The following NHS variants were observed in gnomAD, a reference collection of about 807,000 sequenced individuals.
NHS encodes the protein NHS actin remodeling regulator, also known as actin remodeling regulator NHS.
A neutral mutation model predicts 72.5 loss-of-function variants in NHS; 5 were observed. The observed-to-expected ratio is 0.07, with a 90% CI of 0.04 to 0.14. The LOEUF (loss-of-function observed/expected upper bound fraction) is 0.14, where lower values mean the gene tolerates loss of function less well. Ranked by LOEUF, NHS falls within the 10% of genes least tolerant of loss-of-function variation. The probability of loss-of-function intolerance (pLI) is 1.00; values close to 1 mark genes in which losing one functional copy is unlikely to be tolerated. For missense variants in NHS, 1,072 were observed against 1,355.7 expected (o/e 0.79, Z 3.29); for synonymous variants, 464 against 547.7 (o/e 0.85, Z 2.13).
intron 1 of NHS, chrX:17,635,452 C>A: frequency 2.6e-6 from 3 of 1,157,858 alleles, no homozygotes; most frequent in African/African-American, 1.8e-5. Flanking sequence ...CGCCCTCCAT[C>A]CCCCCCGCCG....
chrX:17,582,973 A>G (rs1257468665), intron 1 of NHS, among the ~76,000 whole-genome samples: 1 of 111,915 alleles, frequency 8.9e-6, no homozygotes, highest in Non-Finnish European at 1.9e-5. Context: ...CTTGGCTCCC[A>G]CTGGGACCAT....
intron 1 of NHS, among the ~76,000 whole-genome samples, chrX:17,409,768 A>G (rs1041965111): frequency 7.2e-5 from 8 of 111,844 alleles, no homozygotes; most frequent in African/African-American, 2.6e-4. Context: ...AGCAAGTCAC[A>G]TGGCCACATC....
At chrX:17,484,180 C>T (rs1457240879) in intron 1 of NHS, among the ~76,000 whole-genome samples, 1 of 112,392 alleles carries the variant, frequency 8.9e-6, no homozygotes, top group Non-Finnish European at 1.9e-5. Context: ...AGTTGTTTAA[C>T]ATTTACTCTT....
intron 1 of NHS, among the ~76,000 whole-genome samples, chrX:17,487,426 T>C (rs1034260249): frequency 8.9e-6 from 1 of 112,136 alleles, no homozygotes; most frequent in Non-Finnish European, 1.9e-5. Flanking sequence ...ATGTATTTTC[T>C]GGCTGGAGGA....
chrX:17,561,568 GCGCGCGCACACACACACACACACACA>G (rs2065414161), intron 1 of NHS, among the ~76,000 whole-genome samples: 1 of 65,599 alleles, frequency 1.5e-5, no homozygotes, highest in African/African-American at 7.2e-5. Flanking sequence ...GCGCGCGCGC[GCGCGCGCACACACACACACACACACA>G]CACACACACA....
rs548044835 is a variant in NHS, at chrX:17,521,620, C to T, written c.565+145298C>T. ...TCAAGTGATCCTTCCACCTCAGCCT[C>T]CCAAACTGCTGGGATTACTGGCGTG... On this transcript the variant is annotated intron_variant, in intron 1 of 8. Coordinates refer to ENST00000676302, the MANE Select transcript of NHS (RefSeq NM_001291867.2). Among the ~76,000 whole-genome samples, 19 of 111,480 alleles carry T rather than the reference C, an allele frequency of 1.7e-4. No homozygotes were observed. In the South Asian group the frequency reaches 6.4e-3, roughly 38 times the overall value.
At chrX:17,380,844 A>G (rs1286975230) in intron 1 of NHS, among the ~76,000 whole-genome samples, 1 of 111,845 alleles carries the variant, frequency 8.9e-6, no homozygotes, top group Non-Finnish European at 1.9e-5. Context: ...TGAGAAGCCG[A>G]GAGGGGATGA....
rs191806945 is a variant in NHS at position 17,534,983 on chromosome X, C to A, written c.566-152759C>A. Among the ~76,000 whole-genome samples, 71 of 112,157 alleles carry A rather than the reference C, an allele frequency of 6.3e-4. 1 individual carries two copies. In the East Asian group the frequency reaches 0.017, roughly 27 times the overall value. On this transcript the variant is annotated intron_variant, in intron 1 of 8. Coordinates refer to ENST00000676302, the MANE Select transcript of NHS (RefSeq NM_001291867.2). Reference sequence around the variant, plus strand: ...AAAGATGAGAGCTGGAGAATCAATACCCTAGCTTCCTCACTTCTCAGGTGG... The same window carrying A: ...AAAGATGAGAGCTGGAGAATCAATAACCTAGCTTCCTCACTTCTCAGGTGG...
chrX:17,486,457 C>T (rs761242126), intron 1 of NHS, among the ~76,000 whole-genome samples: 20 of 111,793 alleles, frequency 1.8e-4, no homozygotes, highest in South Asian at 3.8e-4. Flanking sequence ...AGCTAATGTA[C>T]GCTGGGCTTG....
chrX:17,475,518 C>T (rs1238535386), intron 1 of NHS, among the ~76,000 whole-genome samples: 2 of 111,789 alleles, frequency 1.8e-5, no homozygotes, highest in Admixed American at 9.5e-5. Flanking sequence ...TGTTCTGTTT[C>T]CCGTTTTCTA....
chrX:17,454,373 G>T, intron 1 of NHS, among the ~76,000 whole-genome samples: 1 of 112,012 alleles, frequency 8.9e-6, no homozygotes. Flanking sequence ...AGTGGTCCTA[G>T]TCACTGGCAA....
chrX:17,612,553 C>A (rs2065716575), intron 1 of NHS, among the ~76,000 whole-genome samples: 1 of 111,548 alleles, frequency 9.0e-6, no homozygotes, highest in Non-Finnish European at 1.9e-5. Flanking sequence ...ACATCCCATG[C>A]AAAGCACTTT....
intron 1 of NHS, among the ~76,000 whole-genome samples, chrX:17,391,417 C>T (rs1385965620): frequency 9.0e-6 from 1 of 111,283 alleles, no homozygotes; most frequent in African/African-American, 3.3e-5. Flanking sequence ...GTGATTAATC[C>T]ATGGACAGTG....
chrX:17,391,602 G>A (rs555096477), intron 1 of NHS, among the ~76,000 whole-genome samples: 7 of 111,989 alleles, frequency 6.3e-5, no homozygotes, highest in South Asian at 7.6e-4. Flanking sequence ...CAGTGTAAAC[G>A]TTTTGGTCAG....
intron 1 of NHS, among the ~76,000 whole-genome samples, chrX:17,460,354 G>GA (rs1176346877): frequency 1.8e-5 from 2 of 110,926 alleles, no homozygotes; most frequent in Non-Finnish European, 3.8e-5. Flanking sequence ...CTGCTGAGGA[G>GA]ACCCCAGGAA....
intron 1 of NHS, among the ~76,000 whole-genome samples, chrX:17,675,283 G>A (rs1020429799): frequency 2.0e-4 from 23 of 112,445 alleles, no homozygotes; most frequent in Middle Eastern, 4.6e-3. Context: ...ATTCAAATAA[G>A]TAATTATGCC....
At chrX:17,520,016 C>T (rs1422428717) in intron 1 of NHS, among the ~76,000 whole-genome samples, 1 of 92,358 alleles carries the variant, frequency 1.1e-5, no homozygotes, top group Non-Finnish European at 2.1e-5. Flanking sequence ...TCAAGACTTA[C>T]ATTTCTGTTT....
At chrX:17,633,789 C>T (rs1442077704) in intron 1 of NHS, among the ~76,000 whole-genome samples, 1 of 111,837 alleles carries the variant, frequency 8.9e-6, no homozygotes, top group Non-Finnish European at 1.9e-5. Context: ...TTATGACTTC[C>T]CAGAAAAAAT....
intron 1 of NHS, among the ~76,000 whole-genome samples, chrX:17,580,943 G>A (rs900609410): frequency 8.9e-6 from 1 of 112,228 alleles, no homozygotes; most frequent in African/African-American, 3.2e-5. Flanking sequence ...GGACCACTGG[G>A]GCGGGGAGGG....
Sources: gnomAD v4.1 joint callset for allele counts (sites outside exome capture counted in the v4.1 genomes callset) on GRCh38, gnomAD v4.1.1 for gene constraint, MANE v1.5 for transcripts, NCBI Gene and HGNC (gene_info 2026-07-23, HGNC 2026-07-21) for gene names.